NR2F1-AS1: variants seen among roughly 807,000 people sequenced by gnomAD.
NR2F1-AS1 encodes NR2F1 regulatory antisense RNA 1.
chr5:93,448,770 A>G (rs1050658443), intron 4 of NR2F1-AS1, among the ~76,000 whole-genome samples: 4 of 152,146 alleles, frequency 2.6e-5, no homozygotes, highest in African/African-American at 9.7e-5. Context: ...TTTTTGTTCT[A>G]TTGAGGTCTT....
chr5:93,502,465 GT>G (rs1751101967), intron 4 of NR2F1-AS1, among the ~76,000 whole-genome samples: 2 of 152,118 alleles, frequency 1.3e-5, no homozygotes, highest in Admixed American at 6.5e-5. Context: ...AACATATAAC[GT>G]AGAAACTGAA....
At position 93,442,311 on chromosome 5, in the gene NR2F1-AS1, C is replaced by T. The variant is rs146717891; in HGVS notation, n.639-46769G>A. 8.3e-3 allele frequency among the ~76,000 whole-genome samples: 1,265 copies of T among 152,292 alleles called. 7 individuals are homozygous for T. Among genetic ancestry groups the T allele is most frequent in the Middle Eastern group, 0.014 (4 of 292 alleles). On this transcript the variant is annotated intron_variant and non_coding_transcript_variant, in intron 4 of 5. Transcript: ENST00000660523. Reference sequence around the variant, plus strand: ...CCTAGCCAAGGGAAGCCATGACAGACGGTACCTGGAAAATCGGGACACCCT... The same window carrying T: ...CCTAGCCAAGGGAAGCCATGACAGATGGTACCTGGAAAATCGGGACACCCT...
intron 4 of NR2F1-AS1, chr5:93,422,119 A>G (rs2149842931): frequency 6.6e-6 from 1 of 152,382 alleles, no homozygotes; most frequent in East Asian, 1.9e-4. Flanking sequence ...GCGAATCAAG[A>G]GGCACTCTCC....
intron 4 of NR2F1-AS1, among the ~76,000 whole-genome samples, chr5:93,435,116 G>A (rs1749407017): frequency 6.6e-6 from 1 of 152,116 alleles, no homozygotes. Flanking sequence ...TCATTCACTG[G>A]TTTAGCATCC....
At chr5:93,483,542 C>G (rs1397519460) in intron 4 of NR2F1-AS1, among the ~76,000 whole-genome samples, 1 of 152,122 alleles carries the variant, frequency 6.6e-6, no homozygotes, top group Admixed American at 6.5e-5. Context: ...CGCCTCTTCT[C>G]CTCCAAAGGA....
At chr5:93,574,281 A>G (rs1262853140) in intron 1 of NR2F1-AS1, among the ~76,000 whole-genome samples, 3 of 152,236 alleles carry the variant, frequency 2.0e-5, no homozygotes, top group Admixed American at 2.0e-4. Flanking sequence ...CTCAGCTTCA[A>G]GGTTAGTTGT....
At chr5:93,518,006 A>T (rs1479946299) in intron 4 of NR2F1-AS1, among the ~76,000 whole-genome samples, 1 of 152,030 alleles carries the variant, frequency 6.6e-6, no homozygotes, top group African/African-American at 2.4e-5. Flanking sequence ...ATGTTGCCCA[A>T]GCTGGCCTTG....
At chr5:93,462,309 C>T (rs1050487684) in intron 4 of NR2F1-AS1, among the ~76,000 whole-genome samples, 3 of 152,072 alleles carry the variant, frequency 2.0e-5, no homozygotes, top group Admixed American at 1.3e-4. Flanking sequence ...TGGGGAGTTT[C>T]GCTGCACAAG....
Position 93,454,164 on chromosome 5 carries a change from C to T in NR2F1-AS1, n.639-58622G>A, listed in dbSNP as rs62369929. On this transcript the variant is annotated intron_variant and non_coding_transcript_variant, in intron 4 of 5. Transcript: ENST00000660523. ...GGCATTGTGGCATGTGACTGTAGTC[C>T]CAGCTACTCAGGAGCCTGAGGTAGA... Among the ~76,000 whole-genome samples, 843 of 152,096 alleles carry T rather than the reference C, an allele frequency of 5.5e-3. 7 individuals are homozygous for T. Among genetic ancestry groups the T allele is most frequent in the Non-Finnish European group, 6.9e-3 (468 of 67,980 alleles).
intron 4 of NR2F1-AS1, among the ~76,000 whole-genome samples, chr5:93,507,511 C>T (rs1751211036): frequency 6.6e-6 from 1 of 152,136 alleles, no homozygotes; most frequent in African/African-American, 2.4e-5. Flanking sequence ...GTGCCTGCCA[C>T]CATGCCCAGC....
intron 4 of NR2F1-AS1, among the ~76,000 whole-genome samples, chr5:93,551,288 C>A (rs73772367): frequency 0.012 from 1,881 of 152,124 alleles, 49 homozygotes; most frequent in African/African-American, 0.043. Flanking sequence ...CAAGTAAAAT[C>A]ATTTAACAGA....
At chr5:93,572,049 T>TAAAG (rs1396351621) in intron 1 of NR2F1-AS1, among the ~76,000 whole-genome samples, 1 of 150,668 alleles carries the variant, frequency 6.6e-6, no homozygotes, top group Non-Finnish European at 1.5e-5. Flanking sequence ...TGCGCAGGGG[T>TAAAG]TCCTCTGACC....
At chr5:93,538,393 T>C (rs1751882130) in intron 4 of NR2F1-AS1, among the ~76,000 whole-genome samples, 1 of 152,138 alleles carries the variant, frequency 6.6e-6, no homozygotes, top group South Asian at 2.1e-4. Context: ...GAGGATCACC[T>C]GAACCCAGGA....
At chr5:93,508,429 A>G (rs1239956466) in intron 4 of NR2F1-AS1, among the ~76,000 whole-genome samples, 1 of 152,026 alleles carries the variant, frequency 6.6e-6, no homozygotes, top group Non-Finnish European at 1.5e-5. Flanking sequence ...TTACATACGG[A>G]AAAAAAATTA....
intron 1 of NR2F1-AS1, among the ~76,000 whole-genome samples, chr5:93,578,070 T>C (rs1043755257): frequency 2.0e-5 from 3 of 152,184 alleles, no homozygotes; most frequent in Admixed American, 6.5e-5. Flanking sequence ...AAAAAGCCCA[T>C]AGAATTAGTG....
At chr5:93,471,125 A>G (rs1413506994) in intron 4 of NR2F1-AS1, among the ~76,000 whole-genome samples, 2 of 151,954 alleles carry the variant, frequency 1.3e-5, no homozygotes, top group Admixed American at 6.6e-5. Context: ...GCCAAAATGA[A>G]TCAATTAGAC....
At chr5:93,513,139 C>T (rs758431415) in intron 4 of NR2F1-AS1, among the ~76,000 whole-genome samples, 6 of 151,866 alleles carry the variant, frequency 4.0e-5, no homozygotes, top group Non-Finnish European at 7.4e-5. Context: ...GTCAGAATGG[C>T]GATTATTGAA....
chr5:93,563,566 T>C (rs1752542983), intron 1 of NR2F1-AS1: 1 of 152,164 alleles, frequency 6.6e-6, no homozygotes, highest in African/African-American at 2.4e-5. Context: ...TGAAATATTC[T>C]CACACACACC....
At chr5:93,423,994 G>A (rs896448893) in intron 4 of NR2F1-AS1, among the ~76,000 whole-genome samples, 3 of 151,946 alleles carry the variant, frequency 2.0e-5, no homozygotes, top group African/African-American at 7.3e-5. Flanking sequence ...AATCACCTGG[G>A]GGACATATTT....
Sources: allele counts gnomAD v4.1 joint callset (sites outside exome capture counted in the v4.1 genomes callset), GRCh38; gene constraint gnomAD v4.1.1; transcripts MANE v1.5; gene names NCBI Gene and HGNC (gene_info 2026-07-23, HGNC 2026-07-21).